The following FBXO42 variants were observed in gnomAD, a reference collection of about 807,000 sequenced individuals.
The protein encoded by FBXO42 is F-box only protein 42.
Under a neutral mutation model 71.7 loss-of-function variants are expected in FBXO42, and 12 were observed. The ratio of observed to expected loss-of-function variants is 0.17; its 90% confidence interval spans 0.11 to 0.27. The LOEUF is 0.27. Ranked by LOEUF, FBXO42 falls within the 10% of genes least tolerant of loss-of-function variation. The pLI is 1.00. For missense variants in FBXO42, 707 were observed against 911.9 expected (o/e 0.78, Z 2.89); for synonymous variants, 325 against 327.5 (o/e 0.99, Z 0.08).
intron 1 of FBXO42, among the ~76,000 whole-genome samples, chr1:16,339,353 G>A (rs1206542445): frequency 6.6e-6 from 1 of 151,388 alleles, no homozygotes; most frequent in East Asian, 2.0e-4. Flanking sequence ...TCACTGTGTT[G>A]CCAGGCTGGA....
chr1:16,339,704 G>A (rs549899496), intron 1 of FBXO42, among the ~76,000 whole-genome samples: 93 of 152,330 alleles, frequency 6.1e-4, no homozygotes, highest in Non-Finnish European at 1.2e-3. Flanking sequence ...TTTATGAAAG[G>A]TAGATAATGT....
chr1:16,321,981 C>T (rs995560103), intron 1 of FBXO42, among the ~76,000 whole-genome samples: 2 of 151,488 alleles, frequency 1.3e-5, no homozygotes, highest in African/African-American at 4.9e-5. Context: ...CCAGCCTAGC[C>T]AACATGGCGA....
chr1:16,317,515 G>A (rs1164284955), intron 1 of FBXO42, among the ~76,000 whole-genome samples: 1 of 152,022 alleles, frequency 6.6e-6, no homozygotes, highest in African/African-American at 2.4e-5. Flanking sequence ...AGAATCACTT[G>A]AACCTGGGAT....
chr1:16,342,835 G>C (rs1430058114), intron 1 of FBXO42, among the ~76,000 whole-genome samples: 1 of 152,074 alleles, frequency 6.6e-6, no homozygotes, highest in African/African-American at 2.4e-5. Context: ...TCCTGGTAGT[G>C]AGTGAGTTCT....
intron 1 of FBXO42, among the ~76,000 whole-genome samples, chr1:16,335,375 T>C (rs897776356): frequency 1.1e-4 from 17 of 152,126 alleles, no homozygotes; most frequent in Non-Finnish European, 2.1e-4. Context: ...TGGGTTCAAG[T>C]GATCCTCCTG....
rs1361684178 is a variant in FBXO42, at chr1:16,250,856, C to A, written c.1968G>T (p.Glu656Asp). 1.2e-6 allele frequency: 2 copies of A among 1,614,204 alleles called. No homozygotes were observed. Among genetic ancestry groups the A allele is most frequent in the Non-Finnish European group, 1.7e-6 (2 of 1,180,050 alleles). Residue 656 changes from glutamate to aspartate, a missense_variant, in exon 10 of 10, where the codon GAG (glutamate) becomes GAT (aspartate). Around this residue, in one of 5 missense-constraint regions of FBXO42, gnomAD observed 482 missense variants for 587.1 expected, o/e 0.82. Transcript: ENST00000375592. The surrounding 1 kb of genome is among the most constrained non-coding windows in gnomAD (Gnocchi z 4.7). ...ATACTTTCCATTTGACCCGCCCCTT[C>A]TCCTTGGTGTCTTTAATGTCCAGCA... ...MYVLDIKDTK[E>D]KGRVKWKVFN...
At chr1:16,255,333 C>G (rs1291832060) in intron 6 of FBXO42, among the ~76,000 whole-genome samples, 1 of 143,864 alleles carries the variant, frequency 7.0e-6, no homozygotes. Flanking sequence ...CTGACCCTAA[C>G]TTACTTTTTT....
intron 2 of FBXO42, among the ~76,000 whole-genome samples, chr1:16,314,549 A>C (rs2082344661): frequency 6.6e-6 from 1 of 152,234 alleles, no homozygotes; most frequent in Non-Finnish European, 1.5e-5. Flanking sequence ...ATAGTGCTTG[A>C]CACGTGATAA....
At chr1:16,261,305 C>G (rs1008899961) in intron 4 of FBXO42, among the ~76,000 whole-genome samples, 7 of 152,124 alleles carry the variant, frequency 4.6e-5, no homozygotes, top group African/African-American at 1.7e-4. Context: ...TAAGCTGAGG[C>G]CAGTGATAAT....
In FBXO42 at chr1:16,255,717, C is replaced by T. The variant is rs1557569597; in HGVS notation, c.761G>A (p.Arg254Gln). 6 of 1,613,268 alleles carry T rather than the reference C, an allele frequency of 3.7e-6. No homozygotes were observed. The highest frequency in any genetic ancestry group is 4.2e-6 in the Non-Finnish European group (5 of 1,179,522). Residue 254 changes from arginine to glutamine, a missense_variant, in exon 6 of 10, where the codon CGG becomes CAG. Transcript: ENST00000375592. Reference protein sequence around the residue: ...MIVFGGSLGSRQMSNDVWVLD... With the variant: ...MIVFGGSLGSQQMSNDVWVLD... ...GCAAACCAAATGTACTTACATTTGC[C>T]GGGATCCTAAAGAGCCACCAAAGAC... is the stretch of plus-strand genomic sequence containing the variant.
intron 4 of FBXO42, among the ~76,000 whole-genome samples, chr1:16,261,073 T>A (rs775484079): frequency 6.6e-6 from 1 of 152,236 alleles, no homozygotes; most frequent in African/African-American, 2.4e-5. Context: ...TCCTTCTGAA[T>A]AGTTGCCACA....
intron 1 of FBXO42, among the ~76,000 whole-genome samples, chr1:16,339,871 T>TTAGC (rs750173320): frequency 1.3e-5 from 2 of 152,172 alleles, no homozygotes; most frequent in Non-Finnish European, 2.9e-5. Flanking sequence ...AGAGGATCAC[T>TTAGC]TAGCCTGGGA....
At chr1:16,333,023 T>C (rs2082514548) in intron 1 of FBXO42, among the ~76,000 whole-genome samples, 1 of 152,138 alleles carries the variant, frequency 6.6e-6, no homozygotes, top group African/African-American at 2.4e-5. Context: ...CTGCTCTTGC[T>C]GGCCATCCCC....
intron 1 of FBXO42, among the ~76,000 whole-genome samples, chr1:16,335,849 A>G (rs2082547398): frequency 6.8e-6 from 1 of 146,200 alleles, no homozygotes; most frequent in South Asian, 2.2e-4. Context: ...CCTGGGTGAC[A>G]GTGCGAGACT....
intron 4 of FBXO42, among the ~76,000 whole-genome samples, chr1:16,283,529 G>A (rs528470331): frequency 1.6e-3 from 88 of 53,912 alleles, no homozygotes; most frequent in African/African-American, 4.3e-3. Context: ...AGACAGTCTC[G>A]CTCTGTCGCC....
intron 1 of FBXO42, among the ~76,000 whole-genome samples, chr1:16,317,040 G>C (rs908447581): frequency 5.3e-5 from 8 of 152,192 alleles, no homozygotes; most frequent in African/African-American, 1.9e-4. Context: ...CAACACTTTG[G>C]GAGGCTGAGG....
intron 1 of FBXO42, among the ~76,000 whole-genome samples, chr1:16,316,586 T>C (rs945504510): frequency 6.6e-6 from 1 of 151,304 alleles, no homozygotes; most frequent in Admixed American, 6.6e-5. Flanking sequence ...AATACAAAAA[T>C]TAGCCAGGTG....
chr1:16,330,163 T>C (rs2082486183), intron 1 of FBXO42, among the ~76,000 whole-genome samples: 1 of 152,154 alleles, frequency 6.6e-6, no homozygotes, highest in African/African-American at 2.4e-5. Context: ...CTGCATACCT[T>C]GGGCAAATAA....
chr1:16,253,021 G>A, intron 8 of FBXO42, 75 bp downstream of exon 8: 1 of 1,328,786 alleles, frequency 7.5e-7, no homozygotes, highest in Non-Finnish European at 1.1e-6. Flanking sequence ...TATACTCCTA[G>A]AAAAGAAGAC....
Sources: gnomAD v4.1 joint callset for allele counts (sites outside exome capture counted in the v4.1 genomes callset) on GRCh38, gnomAD v4.1.1 for gene constraint, gnomAD v4.1.1 regional missense constraint, Gnocchi (gnomAD v3.1) non-coding constraint, MANE v1.5 for transcripts, NCBI Gene and HGNC (gene_info 2026-07-23, HGNC 2026-07-21) for gene names.